Variants in SLC35F4 observed in about 807,000 individuals in gnomAD.
SLC35F4 encodes the protein solute carrier family 35 member F4.
SLC35F4 carries 24 observed loss-of-function variants against 44.2 expected under a neutral mutation model. The observed-to-expected ratio is 0.54, with a 90% confidence interval of 0.39 to 0.76. The LOEUF is 0.76. Ranked by LOEUF, SLC35F4 falls within the 30% of genes least tolerant of loss-of-function variation. The pLI is 0.00. For missense variants in SLC35F4, 562 were observed against 586.1 expected (o/e 0.96, Z 0.42); for synonymous variants, 238 against 223.6 (o/e 1.06, Z -0.57).
rs757994371 is a variant in SLC35F4, at chr14:57,594,079, C to T, written c.149G>A (p.Cys50Tyr). Residue 50 changes from cysteine to tyrosine, a missense_variant, in exon 2 of 8, where the codon TGC becomes TAC. Physicochemically the swap from Cys to Tyr is radical, Grantham distance 194 (BLOSUM62 -2). Transcript: ENST00000556826. ...ACTGATGCCACTGTGTGAACTGGGG[C>T]AGTTGGCTCCTGGTTTACATCTAGT... ...SVTRCKPGAN[C>Y]PSSHSGISRQ... 5 of 1,613,884 alleles carry T rather than the reference C, an allele frequency of 3.1e-6. No individual in the cohort carries two copies. The highest frequency in any genetic ancestry group is 3.4e-6 in the Non-Finnish European group (4 of 1,179,850).
At chr14:57,912,734 G>A (rs760194953) in intron 1 of SLC35F4, among the ~76,000 whole-genome samples, 2 of 152,014 alleles carry the variant, frequency 1.3e-5, no homozygotes, top group Non-Finnish European at 2.9e-5. Flanking sequence ...AGAATAATGT[G>A]AAATCTGCTG....
Position 57,844,325 on chromosome 14 carries a change from G to A in SLC35F4, c.103+21398C>T, listed in dbSNP as rs565320810. ...TCCATGTGATAGAGGTCTTAATAAAGGCTTGTAGTGGTGTGAATAACACGG... is the reference window on the plus strand; with the variant it reads ...TCCATGTGATAGAGGTCTTAATAAAAGCTTGTAGTGGTGTGAATAACACGG... On this transcript the variant is annotated intron_variant, in intron 1 of 7. Transcript: ENST00000556826. Among the ~76,000 whole-genome samples, 7 of 152,292 alleles carry A rather than the reference G, an allele frequency of 4.6e-5. No homozygotes were observed. In the South Asian group the frequency reaches 6.2e-4, roughly 14 times the overall value.
intron 1 of SLC35F4, among the ~76,000 whole-genome samples, chr14:57,925,880 A>C (rs951837907): frequency 2.6e-5 from 4 of 152,158 alleles, no homozygotes; most frequent in African/African-American, 9.7e-5. Flanking sequence ...CGTGTATCTC[A>C]GCCTCTATCA....
At chr14:57,565,420 C>G (rs962203591) in intron 7 of SLC35F4, among the ~76,000 whole-genome samples, 1 of 152,202 alleles carries the variant, frequency 6.6e-6, no homozygotes, top group Non-Finnish European at 1.5e-5. Flanking sequence ...TCAGCACATA[C>G]CTCTATTAAA....
intron 1 of SLC35F4, among the ~76,000 whole-genome samples, chr14:57,711,055 A>C (rs2075806661): frequency 6.6e-6 from 1 of 151,936 alleles, no homozygotes; most frequent in Non-Finnish European, 1.5e-5. Flanking sequence ...TCCCCACCCA[A>C]ATCTCATCTT....
intron 1 of SLC35F4, among the ~76,000 whole-genome samples, chr14:57,893,116 A>G (rs1451545828): frequency 6.6e-6 from 1 of 152,102 alleles, no homozygotes; most frequent in Non-Finnish European, 1.5e-5. Context: ...CTGCTTATGG[A>G]AACTTTCTAG....
intron 1 of SLC35F4, among the ~76,000 whole-genome samples, chr14:57,959,001 C>T (rs1890295196): frequency 6.6e-6 from 1 of 152,086 alleles, no homozygotes; most frequent in Admixed American, 6.5e-5. Context: ...TGCAGCCATG[C>T]AGACTGGGTC....
intron 1 of SLC35F4, chr14:57,596,068 AAC>A (rs1392844193): frequency 6.6e-6 from 1 of 152,300 alleles, no homozygotes; most frequent in Non-Finnish European, 1.5e-5. Flanking sequence ...AAATGTTTGT[AAC>A]ACAAAGAAAT....
At chr14:57,907,779 A>G (rs1267710308) in intron 1 of SLC35F4, among the ~76,000 whole-genome samples, 1 of 152,166 alleles carries the variant, frequency 6.6e-6, no homozygotes, top group Non-Finnish European at 1.5e-5. Flanking sequence ...GCTGAAAGAG[A>G]TACATGCATA....
chr14:57,872,882 T>C (rs924435924), intron 1 of SLC35F4, among the ~76,000 whole-genome samples: 1 of 152,196 alleles, frequency 6.6e-6, no homozygotes, highest in African/African-American at 2.4e-5. Context: ...TCAGGCTCTC[T>C]TTTCTGAAGA....
intron 1 of SLC35F4, among the ~76,000 whole-genome samples, chr14:57,713,414 T>C (rs554807844): frequency 1.3e-5 from 2 of 152,284 alleles, no homozygotes; most frequent in East Asian, 1.9e-4. Context: ...TCCAGTTTTA[T>C]TTCCCCTCCC....
At chr14:57,622,086 A>G (rs2072213829) in intron 1 of SLC35F4, among the ~76,000 whole-genome samples, 1 of 145,758 alleles carries the variant, frequency 6.9e-6, no homozygotes, top group Admixed American at 7.0e-5. Context: ...ATCACTGGCC[A>G]TCAGAGAAAT....
chr14:57,836,849 G>C (rs1035598968), intron 1 of SLC35F4, among the ~76,000 whole-genome samples: 3 of 151,950 alleles, frequency 2.0e-5, no homozygotes, highest in Non-Finnish European at 2.9e-5. Flanking sequence ...ATCTGTAAAG[G>C]ATAATGACTA....
At chr14:57,790,855 G>A (rs1408024441) in intron 1 of SLC35F4, among the ~76,000 whole-genome samples, 3 of 152,084 alleles carry the variant, frequency 2.0e-5, no homozygotes, top group Non-Finnish European at 1.5e-5. Context: ...TCTGATCTTT[G>A]ACAAACCTGA....
intron 3 of SLC35F4, among the ~76,000 whole-genome samples, chr14:57,588,357 A>ATTTTTTTTTTTTTTTTTTTT: frequency 6.6e-6 from 1 of 150,592 alleles, no homozygotes. Flanking sequence ...TGGTGTCCCT[A>ATTTTTTTTTTTTTTTTTTTT]TTTTTTTTTC....
intron 1 of SLC35F4, among the ~76,000 whole-genome samples, chr14:57,896,938 T>G (rs1888885628): frequency 2.0e-5 from 3 of 152,220 alleles, no homozygotes; most frequent in Non-Finnish European, 2.9e-5. Context: ...CATAACTTTT[T>G]TCCACATTCA....
chr14:57,902,857 T>A (rs943329493), intron 1 of SLC35F4, among the ~76,000 whole-genome samples: 1 of 152,152 alleles, frequency 6.6e-6, no homozygotes, highest in Non-Finnish European at 1.5e-5. Flanking sequence ...GATACCTGCA[T>A]CACTCCCTCT....
At chr14:57,710,326 T>C (rs1237076001) in intron 1 of SLC35F4, among the ~76,000 whole-genome samples, 2 of 152,238 alleles carry the variant, frequency 1.3e-5, no homozygotes, top group Admixed American at 6.5e-5. Flanking sequence ...GCCTAGATTT[T>C]AGAGGATGTA....
At chr14:57,812,492 G>A (rs1209781424) in intron 1 of SLC35F4, among the ~76,000 whole-genome samples, 1 of 152,198 alleles carries the variant, frequency 6.6e-6, no homozygotes, top group Non-Finnish European at 1.5e-5. Context: ...GAGGCCCCCA[G>A]GCAGCTAGGC....
Sources: gnomAD v4.1 joint callset for allele counts (sites outside exome capture counted in the v4.1 genomes callset) on GRCh38, gnomAD v4.1.1 for gene constraint, MANE v1.5 for transcripts, NCBI Gene and HGNC (gene_info 2026-07-23, HGNC 2026-07-21) for gene names.